The following GNG7 variants were observed in gnomAD, a reference collection of about 807,000 sequenced individuals.
The protein encoded by GNG7 is guanine nucleotide-binding protein G(I)/G(S)/G(O) subunit gamma-7.
Under a neutral mutation model 4.0 loss-of-function variants are expected in GNG7, and 1 was observed. That is an observed-to-expected ratio of 0.25 (90% CI 0.09 to 1.18). The LOEUF (loss-of-function observed/expected upper bound fraction) is 1.18. Ranked by LOEUF, GNG7 falls within the 50% of genes most tolerant of loss-of-function variation. The probability of loss-of-function intolerance (pLI) is 0.50; values close to 1 mark genes in which losing one functional copy is unlikely to be tolerated. For missense variants in GNG7, 86 were observed against 91.9 expected (o/e 0.94, Z 0.26); for synonymous variants, 34 against 36.9 (o/e 0.92, Z 0.29).
At chr19:2,552,680 C>T (rs1408000313) in intron 3 of GNG7, among the ~76,000 whole-genome samples, 1 of 151,570 alleles carries the variant, frequency 6.6e-6, no homozygotes, top group Non-Finnish European at 1.5e-5. Flanking sequence ...CCACCACACC[C>T]AGCCCAGGGA....
intron 3 of GNG7, among the ~76,000 whole-genome samples, chr19:2,524,668 ATGAG>A (rs1450056008): frequency 1.3e-5 from 2 of 152,058 alleles, no homozygotes; most frequent in Admixed American, 6.5e-5. Flanking sequence ...GCGTCTGCAT[ATGAG>A]TGTGTGCATA....
At chr19:2,686,579 G>A (rs1027695826) in intron 1 of GNG7, among the ~76,000 whole-genome samples, 1 of 152,098 alleles carries the variant, frequency 6.6e-6, no homozygotes, top group East Asian at 1.9e-4. Flanking sequence ...ACACATTCGG[G>A]ACCGGCAGGA....
chr19:2,612,364 C>T (rs191923481), intron 2 of GNG7, among the ~76,000 whole-genome samples: 153 of 152,212 alleles, frequency 1.0e-3, no homozygotes, highest in African/African-American at 3.5e-3. Flanking sequence ...CCAGTGCCCC[C>T]TGGGGGGCAG....
chr19:2,638,631 T>C, intron 2 of GNG7, among the ~76,000 whole-genome samples: 1 of 150,138 alleles, frequency 6.7e-6, no homozygotes, highest in Non-Finnish European at 1.5e-5. Flanking sequence ...TGGATGATTC[T>C]CTTGGATGGG....
At chr19:2,607,956 C>G (rs10403147) in intron 2 of GNG7, among the ~76,000 whole-genome samples, 6,749 of 151,602 alleles carry the variant, frequency 0.045, 512 homozygotes, top group African/African-American at 0.16. Context: ...GGCAGCCAGA[C>G]GCACACACGC....
chr19:2,539,348 C>G (rs924768148), intron 3 of GNG7, among the ~76,000 whole-genome samples: 2 of 151,236 alleles, frequency 1.3e-5, no homozygotes, highest in African/African-American at 4.9e-5. Context: ...TCTTGTCACC[C>G]AGGCTGGAGT....
intron 2 of GNG7, among the ~76,000 whole-genome samples, chr19:2,580,246 C>T (rs1021237261): frequency 6.6e-6 from 1 of 151,790 alleles, no homozygotes; most frequent in African/African-American, 2.4e-5. Flanking sequence ...GTCTAAGGGG[C>T]AGGGATAGGA....
chr19:2,546,818 A>C lies in GNG7; in HGVS notation c.-38+8331T>G, dbSNP rs1979143814. Among the ~76,000 whole-genome samples, 2 of 152,084 alleles carry C rather than the reference A, an allele frequency of 1.3e-5. No individual in the cohort carries two copies. The highest frequency in any genetic ancestry group is 1.3e-4 in the Admixed American group (2 of 15,274). ...GTGGGGTCGGCGGGGGCGGGGGATG[A>C]CCACGGTCATGTGAGAGTTTGCAAG... On this transcript the variant is annotated intron_variant, in intron 3 of 4. Transcript: ENST00000382159. This position sits in a 1 kb window ranked among gnomAD's most constrained non-coding sequence, Gnocchi z 6.3.
rs60080029 is a variant in GNG7 at position 2,617,728 on chromosome 19, T to A, written c.-78+28496A>T. Reference sequence around the variant, plus strand: ...ATTTTGTCTTTTCCTTTTTATTTTTTTTTTTTTTGAGATAGGGTCTTGCTC... The same window carrying A: ...ATTTTGTCTTTTCCTTTTTATTTTTATTTTTTTTGAGATAGGGTCTTGCTC... On this transcript the variant is annotated intron_variant, in intron 2 of 4. Transcript: ENST00000382159. This position sits in a 1 kb window ranked among gnomAD's most constrained non-coding sequence, Gnocchi z 4.7. Among the ~76,000 whole-genome samples the A allele has an allele frequency of 0.013, 1,982 of 151,876 alleles. 45 individuals are homozygous for A. Among genetic ancestry groups the A allele is most frequent in the African/African-American group, 0.045 (1,868 of 41,374 alleles).
intron 2 of GNG7, among the ~76,000 whole-genome samples, chr19:2,556,120 C>T (rs1191689355): frequency 1.3e-5 from 2 of 152,240 alleles, no homozygotes; most frequent in Non-Finnish European, 2.9e-5. Flanking sequence ...GCGTCTACAC[C>T]GGCCGAGGTC....
intron 2 of GNG7, among the ~76,000 whole-genome samples, chr19:2,645,621 C>T (rs770892127): frequency 8.5e-5 from 13 of 152,274 alleles, no homozygotes; most frequent in East Asian, 1.9e-4. Flanking sequence ...ACCCGACCAT[C>T]GGGTCCATTT....
In GNG7 at chr19:2,529,699, C is replaced by T. The variant is rs192287571; in HGVS notation, c.-37-8974G>A. 4.3e-3 allele frequency among the ~76,000 whole-genome samples: 662 copies of T among 152,274 alleles called. 5 individuals are homozygous for T. Among genetic ancestry groups the T allele is most frequent in the Non-Finnish European group, 7.6e-3 (518 of 68,028 alleles). On this transcript the variant is annotated intron_variant, in intron 3 of 4. Coordinates refer to ENST00000382159, the MANE Select transcript of GNG7 (RefSeq NM_052847.3). ...TGGACTCGATGAGAGACAAAAGGGC[C>T]TCTGGGGACTGTGAGTTGCATCAGC...
intron 2 of GNG7, among the ~76,000 whole-genome samples, chr19:2,606,055 TCGGGCAAGCTTCCAAGCA>T (rs1213903625): frequency 6.6e-6 from 1 of 152,152 alleles, no homozygotes; most frequent in Non-Finnish European, 1.5e-5. Flanking sequence ...TGCCCCGCAG[TCGGGCAAGCTTCCAAGCA>T]AGCAAGCCGC....
intron 2 of GNG7, among the ~76,000 whole-genome samples, chr19:2,556,778 G>A (rs539323615): frequency 1.2e-3 from 181 of 152,250 alleles, no homozygotes; most frequent in African/African-American, 4.2e-3. Flanking sequence ...CCAGCAATAC[G>A]GACACCAGCG....
Position 2,609,288 on chromosome 19 carries a change from G to A in GNG7, c.-78+36936C>T, listed in dbSNP as rs1981489818. Among the ~76,000 whole-genome samples, 1 of 152,074 alleles carries A rather than the reference G, an allele frequency of 6.6e-6. No homozygotes were observed. The highest frequency in any genetic ancestry group is 1.5e-5 in the Non-Finnish European group (1 of 68,010). Reference sequence around the variant, plus strand: ...GATCCTCCCACCTCAGTGTCCTGTGGAGCTGGGACTACAGGCACGTACCAC... The same window carrying A: ...GATCCTCCCACCTCAGTGTCCTGTGAAGCTGGGACTACAGGCACGTACCAC... On this transcript the variant is annotated intron_variant, in intron 2 of 4. Coordinates refer to ENST00000382159, the MANE Select transcript of GNG7 (RefSeq NM_052847.3). The surrounding 1 kb of genome is among the most constrained non-coding windows in gnomAD (Gnocchi z 4.4).
At chr19:2,536,367 G>A (rs976964966) in intron 3 of GNG7, among the ~76,000 whole-genome samples, 17 of 151,438 alleles carry the variant, frequency 1.1e-4, no homozygotes, top group Admixed American at 7.9e-4. Flanking sequence ...GCAGTGAGCC[G>A]AGATTGCACC....
chr19:2,643,144 C>T (rs747267242), intron 2 of GNG7: 32 of 444,032 alleles, frequency 7.2e-5, no homozygotes, highest in Non-Finnish European at 1.3e-4. Flanking sequence ...CACACCTTCC[C>T]ACCCTGCACC....
At chr19:2,570,557 C>A (rs562120398) in intron 2 of GNG7, among the ~76,000 whole-genome samples, 90 of 152,134 alleles carry the variant, frequency 5.9e-4, no homozygotes, top group African/African-American at 2.1e-3. Context: ...CCCACTTAGC[C>A]GAGAACTCAT....
intron 1 of GNG7, among the ~76,000 whole-genome samples, chr19:2,673,016 G>A (rs1983495807): frequency 6.6e-6 from 1 of 151,942 alleles, no homozygotes; most frequent in African/African-American, 2.4e-5. Flanking sequence ...CAGCACTTTG[G>A]GAGGCCGAGG....
Sources: allele counts gnomAD v4.1 joint callset (sites outside exome capture counted in the v4.1 genomes callset), GRCh38; gene constraint gnomAD v4.1.1; non-coding constraint Gnocchi (gnomAD v3.1); transcripts MANE v1.5; gene names NCBI Gene and HGNC (gene_info 2026-07-23, HGNC 2026-07-21).